Variants in NUBPL observed in about 807,000 individuals in gnomAD.
NUBPL encodes the protein NUBP iron-sulfur cluster assembly factor, mitochondrial.
Under a neutral mutation model 45.7 loss-of-function variants are expected in NUBPL, and 31 were observed. The observed-to-expected ratio is 0.68, with a 90% confidence interval of 0.51 to 0.92. The LOEUF (loss-of-function observed/expected upper bound fraction) is 0.92, where lower values mean the gene tolerates loss of function less well. Among genes scored for constraint, NUBPL ranks in the 40% least tolerant of loss-of-function variants. NUBPL has a pLI of 0.00. For missense variants in NUBPL, 401 were observed against 398.7 expected (o/e 1.01, Z -0.05); for synonymous variants, 144 against 140.9 (o/e 1.02, Z -0.15).
At chr14:31,669,994 C>T (rs2036534792) in intron 4 of NUBPL, among the ~76,000 whole-genome samples, 3 of 151,908 alleles carry the variant, frequency 2.0e-5, no homozygotes, top group Admixed American at 1.3e-4. Context: ...TGGGTATATG[C>T]CCAGTAATGG....
intron 7 of NUBPL, among the ~76,000 whole-genome samples, chr14:31,808,086 G>C (rs554195156): frequency 2.6e-5 from 4 of 152,332 alleles, no homozygotes; most frequent in Admixed American, 2.6e-4. Flanking sequence ...TTTTGGCTTA[G>C]GATTGACTTG....
chr14:31,839,352 A>G (rs942334971), intron 8 of NUBPL, among the ~76,000 whole-genome samples: 3 of 152,206 alleles, frequency 2.0e-5, no homozygotes, highest in Admixed American at 6.5e-5. Flanking sequence ...TGCCAAGAAC[A>G]CACAATGGAG....
At chr14:31,791,098 A>G (rs997736962) in intron 7 of NUBPL, among the ~76,000 whole-genome samples, 11 of 151,280 alleles carry the variant, frequency 7.3e-5, no homozygotes, top group African/African-American at 2.7e-4. Context: ...GTGAGACCCT[A>G]TCTGTACAAA....
chr14:31,774,441 A>G (rs10136964), intron 6 of NUBPL, among the ~76,000 whole-genome samples: 5,502 of 152,226 alleles, frequency 0.036, 130 homozygotes, highest in African/African-American at 0.076. Context: ...AATTCAACCT[A>G]TTTGCACTTG....
intron 6 of NUBPL, among the ~76,000 whole-genome samples, chr14:31,760,630 C>T (rs560798529): frequency 6.6e-6 from 1 of 152,258 alleles, no homozygotes; most frequent in Admixed American, 6.5e-5. Flanking sequence ...TTCATCCACG[C>T]TGTCATAAAT....
chr14:31,700,684 C>A (rs2037313477), intron 6 of NUBPL, among the ~76,000 whole-genome samples: 1 of 152,132 alleles, frequency 6.6e-6, no homozygotes, highest in South Asian at 2.1e-4. Context: ...GGGCTTAGCA[C>A]CTGGGCCAGC....
chr14:31,758,164 G>A lies in NUBPL; in HGVS notation c.514-29616G>A, dbSNP rs573736878. On this transcript the variant is annotated intron_variant, in intron 6 of 10. Transcript: ENST00000281081. The stretch of plus-strand genomic sequence containing the variant: ...ATTAGAGTGTAAGTTCCATGGTGGT[G>A]ATGCTGTCTTCTTGACTATCTTGTT... Among the ~76,000 whole-genome samples, 19 of 152,230 alleles carry A rather than the reference G, an allele frequency of 1.2e-4. No homozygotes were observed. The East Asian group carries it at 3.7e-3, about 29-fold the overall frequency.
chr14:31,779,381 C>T (rs1429248050), intron 6 of NUBPL, among the ~76,000 whole-genome samples: 1 of 151,954 alleles, frequency 6.6e-6, no homozygotes, highest in Non-Finnish European at 1.5e-5. Context: ...TCATCATTTG[C>T]TAGCTGGCTT....
At chr14:31,810,983 A>T (rs908330974) in intron 7 of NUBPL, among the ~76,000 whole-genome samples, 1 of 152,134 alleles carries the variant, frequency 6.6e-6, no homozygotes, top group Non-Finnish European at 1.5e-5. Context: ...CTGGCGAGAG[A>T]TCCACTGTTA....
intron 4 of NUBPL, among the ~76,000 whole-genome samples, chr14:31,640,137 T>C (rs1023166881): frequency 8.5e-5 from 13 of 152,118 alleles, no homozygotes; most frequent in African/African-American, 2.7e-4. Context: ...ATGAACCCGG[T>C]ACCTCAGATG....
At chr14:31,637,088 T>C (rs545441827) in intron 4 of NUBPL, among the ~76,000 whole-genome samples, 1 of 152,354 alleles carries the variant, frequency 6.6e-6, no homozygotes, top group Admixed American at 6.5e-5. Context: ...CTCTATTTCC[T>C]TCAGTTCTGC....
intron 4 of NUBPL, among the ~76,000 whole-genome samples, chr14:31,601,574 C>T (rs530185010): frequency 5.3e-4 from 80 of 152,170 alleles, no homozygotes; most frequent in South Asian, 4.1e-4. Flanking sequence ...AAAAAGTGGG[C>T]GAAGGACATG....
Position 31,562,144 on chromosome 14 carries a change from C to G in NUBPL, c.185C>G (p.Pro62Arg), listed in dbSNP as rs369323852. The G allele has an allele frequency of 1.9e-6, 3 of 1,613,774 alleles. No homozygotes were observed. The highest frequency in any genetic ancestry group is 2.5e-6 in the Non-Finnish European group (3 of 1,179,864). The change falls in exon 2 of 11, where the codon CCG (proline) becomes CGG (arginine). Residue 62 changes from proline to arginine, a missense_variant. By Grantham distance (103) the Pro-to-Arg change is moderately radical (BLOSUM62 -2). Transcript: ENST00000281081. ...TCCCGAGGACTTCCAAAGCAGAAAC[C>G]GATAGAAGGTGTTAAACAAGTTATA... ...IMSRGLPKQK[P>R]IEGVKQVIVV...
At chr14:31,584,703 T>G (rs888081321) in intron 3 of NUBPL, among the ~76,000 whole-genome samples, 1 of 152,218 alleles carries the variant, frequency 6.6e-6, no homozygotes, top group African/African-American at 2.4e-5. Flanking sequence ...TGGAATTGTC[T>G]TAGGTTGGGC....
intron 3 of NUBPL, among the ~76,000 whole-genome samples, chr14:31,572,896 T>C (rs1555312192): frequency 6.6e-6 from 1 of 152,160 alleles, no homozygotes; most frequent in Non-Finnish European, 1.5e-5. Context: ...CTGTAGACGT[T>C]TGTAACACAA....
chr14:31,568,135 A>G (rs138827575), intron 3 of NUBPL, among the ~76,000 whole-genome samples: 1,617 of 152,302 alleles, frequency 0.011, 24 homozygotes, highest in African/African-American at 0.037. Flanking sequence ...TAATGACAGC[A>G]CTTAGTTACC....
At chr14:31,571,242 T>C (rs1260133847) in intron 3 of NUBPL, among the ~76,000 whole-genome samples, 1 of 152,046 alleles carries the variant, frequency 6.6e-6, no homozygotes, top group African/African-American at 2.4e-5. Context: ...CAAGGATGCT[T>C]GTTGAGGGGA....
chr14:31,568,787 A>G (rs746606701), intron 3 of NUBPL, among the ~76,000 whole-genome samples: 2 of 152,206 alleles, frequency 1.3e-5, no homozygotes, highest in Non-Finnish European at 2.9e-5. Context: ...ATCTAATAAG[A>G]TAAGGTTGTA....
intron 6 of NUBPL, among the ~76,000 whole-genome samples, chr14:31,714,287 A>G (rs2037639044): frequency 6.6e-6 from 1 of 152,234 alleles, no homozygotes; most frequent in Admixed American, 6.5e-5. Context: ...TAGAAAGACC[A>G]AAGCCTTGGC....
Sources: gnomAD v4.1 joint callset for allele counts (sites outside exome capture counted in the v4.1 genomes callset) on GRCh38, gnomAD v4.1.1 for gene constraint, MANE v1.5 for transcripts, NCBI Gene and HGNC (gene_info 2026-07-23, HGNC 2026-07-21) for gene names.